Variants in PCDH7 observed in about 807,000 individuals in gnomAD.
The protein encoded by PCDH7 is protocadherin 7.
A neutral mutation model predicts 58.9 loss-of-function variants in PCDH7; 17 were observed. The ratio of observed to expected loss-of-function variants is 0.29; its 90% CI spans 0.20 to 0.43. The LOEUF (loss-of-function observed/expected upper bound fraction) is 0.43. Ranked by LOEUF, PCDH7 falls within the 20% of genes least tolerant of loss-of-function variation. The pLI, the probability that PCDH7 is intolerant of heterozygous loss-of-function variation, is 1.00. For synonymous variants in PCDH7, 664 were observed against 616.4 expected (o/e 1.08, Z -1.14); for missense variants, 1,274 against 1,441.0 (o/e 0.88, Z 1.88).
intron 1 of PCDH7, among the ~76,000 whole-genome samples, chr4:30,911,645 G>T (rs1741789977): frequency 6.6e-6 from 1 of 152,070 alleles, no homozygotes; most frequent in Non-Finnish European, 1.5e-5. Context: ...CATTAACTAA[G>T]AGTTTTAGGC....
intron 1 of PCDH7, among the ~76,000 whole-genome samples, chr4:30,792,776 G>A (rs1180673332): frequency 1.3e-5 from 2 of 152,054 alleles, no homozygotes; most frequent in Non-Finnish European, 2.9e-5. Context: ...TGTTAAAGGC[G>A]GGTCAGCATG....
At chr4:31,107,080 T>C (rs947726531) in intron 3 of PCDH7, among the ~76,000 whole-genome samples, 9 of 151,878 alleles carry the variant, frequency 5.9e-5, no homozygotes, top group Non-Finnish European at 1.0e-4. Flanking sequence ...CTTTTTTTAG[T>C]TTTCCAACTG....
At chr4:31,082,648 C>A (rs967026756) in intron 3 of PCDH7, among the ~76,000 whole-genome samples, 1 of 152,042 alleles carries the variant, frequency 6.6e-6, no homozygotes, top group Admixed American at 6.5e-5. Flanking sequence ...AGCTGGAGGC[C>A]ATTATTCTAA....
chr4:31,032,667 GA>G (rs1755042420), intron 3 of PCDH7, among the ~76,000 whole-genome samples: 1 of 98,224 alleles, frequency 1.0e-5, no homozygotes. Flanking sequence ...AGGAAGGAAG[GA>G]AGGGAGGGAG....
intron 1 of PCDH7, among the ~76,000 whole-genome samples, chr4:30,741,775 G>A (rs1469692917): frequency 6.6e-6 from 1 of 152,224 alleles, no homozygotes; most frequent in Admixed American, 6.5e-5. Context: ...CAAATTAGGG[G>A]ATGGAACAAT....
chr4:30,769,541 T>G (rs1301272842), intron 1 of PCDH7, among the ~76,000 whole-genome samples: 2 of 152,216 alleles, frequency 1.3e-5, no homozygotes, highest in African/African-American at 4.8e-5. Flanking sequence ...GTGCTTGTAG[T>G]TAATACTTAA....
downstream of PCDH7, among the ~76,000 whole-genome samples, chr4:30,735,285 G>A (rs1255686070): frequency 6.6e-6 from 1 of 152,040 alleles, no homozygotes; most frequent in African/African-American, 2.4e-5. Context: ...CCTTCGTTGT[G>A]CTAATCCATG....
intron 3 of PCDH7, among the ~76,000 whole-genome samples, chr4:31,001,670 C>A (rs1013537619): frequency 6.6e-6 from 1 of 152,216 alleles, no homozygotes; most frequent in South Asian, 2.1e-4. Context: ...AAAAGCACAT[C>A]TACTAACCTA....
chr4:30,945,906 A>T (rs1192674400), intron 2 of PCDH7, among the ~76,000 whole-genome samples: 1 of 152,134 alleles, frequency 6.6e-6, no homozygotes, highest in African/African-American at 2.4e-5. Flanking sequence ...TCCACACTCC[A>T]GCCCTGCCTA....
intron 3 of PCDH7, among the ~76,000 whole-genome samples, chr4:31,030,133 T>TGTGTGCA (rs1754772254): frequency 6.8e-6 from 1 of 147,522 alleles, no homozygotes; most frequent in Admixed American, 6.8e-5. Context: ...GTGTGTATGT[T>TGTGTGCA]TGTGTGTGTG....
At chr4:30,755,730 A>G (rs546404378) in intron 1 of PCDH7, among the ~76,000 whole-genome samples, 23 of 152,278 alleles carry the variant, frequency 1.5e-4, no homozygotes, top group South Asian at 6.2e-4. Context: ...CAGTCTGTAC[A>G]GGAAGCATGG....
chr4:30,963,183 C>T lies in PCDH7; in HGVS notation c.*7+12968C>T, dbSNP rs559368161. 5.9e-5 allele frequency among the ~76,000 whole-genome samples: 9 copies of T among 152,248 alleles called. No individual in the cohort carries two copies. The East Asian group carries it at 1.7e-3, about 29-fold the overall frequency. On this transcript the variant is annotated intron_variant, in intron 3 of 3. Coordinates refer to the PCDH7 transcript ENST00000509759. ...CTCACAGATTCCTCTGGCTTTTGGC[C>T]TAAATCTAATCAATCAAAAAGAAGC...
intron 1 of PCDH7, among the ~76,000 whole-genome samples, chr4:30,850,256 A>T (rs1732549827): frequency 6.6e-6 from 1 of 152,158 alleles, no homozygotes; most frequent in Non-Finnish European, 1.5e-5. Flanking sequence ...GACTGTGCTC[A>T]GTCTTCATGG....
At chr4:30,966,993 T>C (rs1326337201) in intron 3 of PCDH7, among the ~76,000 whole-genome samples, 1 of 152,170 alleles carries the variant, frequency 6.6e-6, no homozygotes, top group Non-Finnish European at 1.5e-5. Context: ...GGAATTGTGC[T>C]AAAGACTTTT....
chr4:31,125,660 G>T (rs972961046), intron 3 of PCDH7, among the ~76,000 whole-genome samples: 1 of 152,084 alleles, frequency 6.6e-6, no homozygotes, highest in Non-Finnish European at 1.5e-5. Flanking sequence ...CTAGGAAGTG[G>T]CAGTGAGCCA....
chr4:30,741,983 T>G (rs1717146260), intron 1 of PCDH7, among the ~76,000 whole-genome samples: 1 of 152,230 alleles, frequency 6.6e-6, no homozygotes, highest in African/African-American at 2.4e-5. Context: ...CTGTGTCTAT[T>G]ATTATCATTC....
Position 30,722,128 on chromosome 4 carries a change from A to C in PCDH7, c.706A>C (p.Asn236His), listed in dbSNP as rs1249028594. ...CGCATCAGAGGGCGGCGGCGGCACC[A>C]ACCCCGGCGGCCGCAGCAGCGTGTT... The change falls in exon 1 of 2, where the codon AAC becomes CAC. Residue 236 changes from asparagine to histidine, a missense_variant. Physicochemically the swap from Asn to His is moderately conservative, Grantham distance 68. This residue lies in a region of PCDH7 where 331 missense variants were observed against 303.2 expected (regional missense o/e 1.09). Coordinates refer to ENST00000361762, the Ensembl canonical transcript of PCDH7. The surrounding 1 kb of genome is among the most constrained non-coding windows in gnomAD (Gnocchi z 7.6). 5 of 1,439,426 alleles carry C rather than the reference A, an allele frequency of 3.5e-6. No individual in the cohort carries two copies. The South Asian group carries it at 5.8e-5, about 17-fold the overall frequency. 89.2% of individuals were successfully genotyped at this position (1,439,426 alleles called of 1,614,324 possible). A position where few individuals can be genotyped will look rare whatever the true frequency, so the allele number is the denominator to read the frequency against.
intron 3 of PCDH7, among the ~76,000 whole-genome samples, chr4:31,007,511 C>T (rs1261387542): frequency 6.6e-6 from 1 of 151,442 alleles, no homozygotes; most frequent in Non-Finnish European, 1.5e-5. Flanking sequence ...AACTTATGTC[C>T]AGTTTTAATT....
intron 3 of PCDH7, among the ~76,000 whole-genome samples, chr4:31,085,652 A>G (rs1712313463): frequency 6.6e-6 from 1 of 152,156 alleles, no homozygotes; most frequent in Non-Finnish European, 1.5e-5. Context: ...ACTAGATATT[A>G]CATTTCAACA....
Sources: gnomAD v4.1 joint callset for allele counts (sites outside exome capture counted in the v4.1 genomes callset) on GRCh38, gnomAD v4.1.1 for gene constraint, gnomAD v4.1.1 regional missense constraint, Gnocchi (gnomAD v3.1) non-coding constraint, MANE v1.5 for transcripts, NCBI Gene and HGNC (gene_info 2026-07-23, HGNC 2026-07-21) for gene names.